The following CD276 variants were observed in gnomAD, a reference collection of about 807,000 sequenced individuals.
CD276 encodes CD276 antigen.
A neutral mutation model predicts 50.0 loss-of-function variants in CD276; 34 were observed. The ratio of observed to expected loss-of-function variants is 0.68; its 90% CI spans 0.52 to 0.91. The LOEUF (loss-of-function observed/expected upper bound fraction) is 0.91. CD276 is among the 40% of genes least tolerant of loss of function. The pLI is 0.00. For missense variants in CD276, 634 were observed against 717.5 expected (o/e 0.88, Z 1.33); for synonymous variants, 275 against 313.0 (o/e 0.88, Z 1.28).
chr15:73,700,681 T>C (rs1900344227), intron 2 of CD276, among the ~76,000 whole-genome samples: 1 of 152,134 alleles, frequency 6.6e-6, no homozygotes, highest in South Asian at 2.1e-4. Context: ...TGATACTGAG[T>C]ATGATTCACA....
At chr15:73,692,723 T>C (rs1900032249) in intron 1 of CD276, among the ~76,000 whole-genome samples, 1 of 152,366 alleles carries the variant, frequency 6.6e-6, no homozygotes, top group East Asian at 1.9e-4. Context: ...CCATTCATAT[T>C]GCATGCATGG....
intron 3 of CD276, 62 bp downstream of exon 3, chr15:73,702,655 C>T: frequency 1.3e-6 from 2 of 1,559,692 alleles, no homozygotes; most frequent in Non-Finnish European, 1.7e-6. Context: ...TGCAGCCCAC[C>T]CCCTGCTGCA....
chr15:73,700,446 A>G (rs772991656), intron 2 of CD276, among the ~76,000 whole-genome samples: 1 of 152,226 alleles, frequency 6.6e-6, no homozygotes, highest in African/African-American at 2.4e-5. Context: ...TCTTGTGGCC[A>G]TAAAGAAGTG....
At chr15:73,706,518 G>C (rs1313220433) in intron 6 of CD276, among the ~76,000 whole-genome samples, 1 of 152,220 alleles carries the variant, frequency 6.6e-6, no homozygotes, top group African/African-American at 2.4e-5. Context: ...GTGCCCTGCA[G>C]TGAGGAGATG....
At chr15:73,694,537 C>T (rs1567014714) in intron 1 of CD276, among the ~76,000 whole-genome samples, 1 of 152,188 alleles carries the variant, frequency 6.6e-6, no homozygotes, top group Admixed American at 6.5e-5. Flanking sequence ...TTATTTCTCA[C>T]CCATGTGACC....
intron 1 of CD276, among the ~76,000 whole-genome samples, chr15:73,685,959 T>C (rs1899744645): frequency 6.6e-6 from 1 of 152,146 alleles, no homozygotes; most frequent in Non-Finnish European, 1.5e-5. Context: ...TCTGGAGTTC[T>C]TGAGATTAAG....
intron 6 of CD276, among the ~76,000 whole-genome samples, chr15:73,707,239 G>A (rs369745923): frequency 1.4e-3 from 209 of 152,350 alleles, no homozygotes; most frequent in African/African-American, 4.6e-3. Context: ...GGTGTGCATC[G>A]TCTCCAGACA....
intron 1 of CD276, among the ~76,000 whole-genome samples, chr15:73,699,003 A>G (rs1385346929): frequency 6.6e-6 from 1 of 152,042 alleles, no homozygotes; most frequent in Non-Finnish European, 1.5e-5. Flanking sequence ...TCATAGAAAA[A>G]CCCAAATTCC....
intron 7 of CD276, chr15:73,708,780 T>C: frequency 2.5e-6 from 1 of 407,818 alleles, no homozygotes; most frequent in Non-Finnish European, 4.6e-6. Context: ...CCTGTGAAAG[T>C]GTAAGTCAGT....
rs534534570 is a variant in CD276 at position 73,694,763 on chromosome 15, T to C, written c.-54-4823T>C. Among the ~76,000 whole-genome samples, 6 of 152,320 alleles carry C rather than the reference T, an allele frequency of 3.9e-5. No individual in the cohort carries two copies. In the South Asian group the frequency reaches 1.2e-3, roughly 32 times the overall value. On this transcript the variant is annotated intron_variant, in intron 1 of 9. Transcript: ENST00000318443. Reference sequence around the variant, plus strand: ...TGTACACATCAGTGTACACATTGCATGGCCACACTCAGCTGCAAGTAAGGC... The same window carrying C: ...TGTACACATCAGTGTACACATTGCACGGCCACACTCAGCTGCAAGTAAGGC...
intron 2 of CD276, among the ~76,000 whole-genome samples, chr15:73,701,906 C>CTTTTACT (rs1900404288): frequency 4.6e-5 from 7 of 152,198 alleles, no homozygotes; most frequent in Admixed American, 6.5e-5. Context: ...TTTTGAAAAG[C>CTTTTACT]TGTTGCTTTA....
chr15:73,709,232 G>C (rs1048229548), intron 7 of CD276, among the ~76,000 whole-genome samples: 4 of 152,174 alleles, frequency 2.6e-5, no homozygotes, highest in Admixed American at 2.6e-4. Flanking sequence ...GTGGGCTGGT[G>C]GAGGGTAGGT....
rs981447754 is a variant in CD276, at chr15:73,713,163, T to TA, written c.*208dup. 4 of 552,712 alleles carry TA rather than the reference T, an allele frequency of 7.2e-6. No homozygotes were observed. The African/African-American group carries it at 7.6e-5, about 10-fold the overall frequency. 34.2% of individuals were successfully genotyped at this position (552,712 alleles called of 1,614,324 possible). A position where few individuals can be genotyped will look rare whatever the true frequency, so the allele number is the denominator to read the frequency against. On this transcript the variant is annotated 3_prime_UTR_variant, in exon 10 of 10. Coordinates refer to ENST00000318443, the MANE Select transcript of CD276 (RefSeq NM_001024736.2). ...AGTCATCCTGCTGCCTTTTTTCTTA[T>TA]AGACACAATGAACAGACCACCCACA...
chr15:73,704,353 A>G lies in CD276; in HGVS notation c.1250A>G (p.Gln417Arg). The change falls in exon 6 of 10, where the codon CAG becomes CGG. Residue 417 changes from glutamine to arginine, a missense_variant. Coordinates refer to ENST00000318443, the MANE Select transcript of CD276 (RefSeq NM_001024736.2). This position sits in a 1 kb window ranked among gnomAD's most constrained non-coding sequence, Gnocchi z 4.1. ...ACCACGTCGCAGATGGCCAACGAGC[A>G]GGGCTTGTTTGATGTGCACAGCGTC... ...NVTTSQMANEQGLFDVHSVLR... is the reference protein window; with the variant it reads ...NVTTSQMANERGLFDVHSVLR... 1 of 1,614,044 alleles carries G rather than the reference A, an allele frequency of 6.2e-7. No individual in the cohort carries two copies. The highest frequency in any genetic ancestry group is 8.5e-7 in the Non-Finnish European group (1 of 1,180,044).
intron 1 of CD276, among the ~76,000 whole-genome samples, chr15:73,688,662 C>A (rs953506902): frequency 5.9e-5 from 9 of 152,164 alleles, no homozygotes; most frequent in Non-Finnish European, 2.9e-5. Flanking sequence ...GGCCAGCCGG[C>A]CACCACTCTG....
At chr15:73,689,188 CTGTGTGTGTGTGTG>C (rs58196751) in intron 1 of CD276, among the ~76,000 whole-genome samples, 10 of 142,710 alleles carry the variant, frequency 7.0e-5, no homozygotes, top group East Asian at 2.1e-4. Flanking sequence ...TCTGTGCCTC[CTGTGTGTGTGTGTG>C]TGTGTGTGTG....
At chr15:73,711,299 C>T (rs1900892103) in intron 9 of CD276, 129 bp downstream of exon 9, 2 of 975,040 alleles carry the variant, frequency 2.1e-6, no homozygotes, top group Admixed American at 1.9e-5. Flanking sequence ...GCAGCCTCAA[C>T]TTCCCCCTGG....
intron 8 of CD276, among the ~76,000 whole-genome samples, 169 bp downstream of exon 8, chr15:73,709,858 G>A (rs1900822500): frequency 6.6e-6 from 1 of 152,174 alleles, no homozygotes; most frequent in African/African-American, 2.4e-5. Context: ...CCCAGAGTTA[G>A]GCAGGAAGTG....
At chr15:73,694,146 C>A (rs1900084482) in intron 1 of CD276, among the ~76,000 whole-genome samples, 1 of 152,162 alleles carries the variant, frequency 6.6e-6, no homozygotes, top group African/African-American at 2.4e-5. Context: ...TGATCTTCCC[C>A]CTCCACGTGC....
Sources: allele counts gnomAD v4.1 joint callset (sites outside exome capture counted in the v4.1 genomes callset), GRCh38; gene constraint gnomAD v4.1.1; non-coding constraint Gnocchi (gnomAD v3.1); transcripts MANE v1.5; gene names NCBI Gene and HGNC (gene_info 2026-07-23, HGNC 2026-07-21).